MUC3A: variants seen among roughly 807,000 people sequenced by gnomAD.
MUC3A encodes mucin 3A, cell surface associated, also known as mucin-3A.
MUC3A carries 109 observed loss-of-function variants against 109.0 expected under a neutral mutation model. The observed-to-expected ratio is 1.00, with a 90% CI of 0.86 to 1.17. The LOEUF is 1.17. Ranked by LOEUF, MUC3A falls within the 50% of genes most tolerant of loss-of-function variation. The pLI is 0.00. For synonymous variants in MUC3A, 1,398 were observed against 981.4 expected, an observed-to-expected ratio of 1.42 and a Z score of -7.93; for missense variants, 3,537 against 2,469.4, an observed-to-expected ratio of 1.43 and a Z score of -9.16.
chr7:100,957,808 C>A lies in MUC3A; in HGVS notation c.6029C>A (p.Thr2010Asn). ...ACCTCACACAGTACTCCCAGCTTCA[C>A]TTCTTCCATCACCACCACTGAGACC... ...TTTSHSTPSF[T>N]SSITTTETTS... The change falls in exon 2 of 12, where the codon ACT becomes AAT. Residue 2010 changes from threonine (T) to asparagine (N), a missense_variant. Transcript: ENST00000379458. 7 of 985,394 alleles carry A rather than the reference C, an allele frequency of 7.1e-6. No individual in the cohort carries two copies. Among genetic ancestry groups the A allele is most frequent in the Admixed American group, 1.7e-5 (1 of 58,664 alleles). 61.0% of individuals were successfully genotyped at this position (985,394 alleles called of 1,614,324 possible).
chr7:100,957,879 G>C lies in MUC3A; in HGVS notation c.6100G>C (p.Glu2034Gln). Residue 2034 changes from glutamate (E) to glutamine (Q), a missense_variant, in exon 2 of 12, where the codon GAG (glutamate) becomes CAG (glutamine). Physicochemically the swap from Glu to Gln is conservative, Grantham distance 29 (BLOSUM62 2). Coordinates refer to ENST00000379458, the MANE Select transcript of MUC3A (RefSeq NM_005960.2). ...PSLTSSITTT[E>Q]TTSHSTPSFT... is the part of the protein sequence containing the mutation. ...CTTGACTTCTTCGATCACAACCACC[G>C]AGACCACATCCCATAGTACTCCCAG... 3.8e-6 allele frequency: 2 copies of C among 530,630 alleles called. No homozygotes were observed. Among genetic ancestry groups the C allele is most frequent in the Non-Finnish European group, 6.3e-6 (2 of 318,108 alleles). The allele number at this position is 530,630 out of a possible 1,614,324, so 32.9% of individuals were successfully genotyped here. A position where few individuals can be genotyped will look rare whatever the true frequency, so the allele number is the denominator to read the frequency against.
chr7:100,959,566 C>T lies in MUC3A; in HGVS notation c.7787C>T (p.Pro2596Leu), dbSNP rs748104278. The change falls in exon 2 of 12, where the codon CCT (proline) becomes CTT (leucine). Residue 2596 changes from proline (P) to leucine (L), a missense_variant. Pro to Leu is a moderately conservative substitution (Grantham distance 98). Coordinates refer to ENST00000379458, the MANE Select transcript of MUC3A (RefSeq NM_005960.2). Reference sequence around the variant, plus strand: ...ACTGGGACCCAAACATCTCCTGCACCTACTACTGTCACCTTTGGAAGTACG... The same window carrying T: ...ACTGGGACCCAAACATCTCCTGCACTTACTACTGTCACCTTTGGAAGTACG... Reference protein sequence around the residue: ...SATGTQTSPAPTTVTFGSTDS... With the variant: ...SATGTQTSPALTTVTFGSTDS... 4 of 1,593,938 alleles carry T rather than the reference C, an allele frequency of 2.5e-6. No individual in the cohort carries two copies. Among genetic ancestry groups the T allele is most frequent in the East Asian group, 2.2e-5 (1 of 44,898 alleles).
Position 100,955,940 on chromosome 7 carries a change from C to A in MUC3A, c.4161C>A (p.Ile1387=), listed in dbSNP as rs1792084669. Residue 1387 remains isoleucine, a synonymous_variant, in exon 2 of 12, where the codon ATC becomes ATA. Coordinates refer to ENST00000379458, the MANE Select transcript of MUC3A (RefSeq NM_005960.2). ...LTTAMTSTPP[I]TSSITPTDTM... is the part of the protein sequence containing the mutation. ...CAGCCATGACTTCTACTCCCCCCAT[C>A]ACTTCTTCAATCACTCCCACCGATA... The A allele has an allele frequency of 1.9e-5, 10 of 540,254 alleles. No homozygotes were observed. In the South Asian group the frequency reaches 3.3e-4, roughly 18 times the overall value. The allele number at this position is 540,254 out of a possible 1,614,324, so 33.5% of individuals were successfully genotyped here. A position where few individuals can be genotyped will look rare whatever the true frequency, so the allele number is the denominator to read the frequency against.
chr7:100,959,437 T>A lies in MUC3A; in HGVS notation c.7658T>A (p.Met2553Lys). ...TCTCCCACCATGTCCACTGTGAGAA[T>A]GACCCTCAGAATTACTGAGAACACC... ...TTSPTMSTVR[M>K]TLRITENTPI... The change falls in exon 2 of 12, where the codon ATG becomes AAG. Residue 2553 changes from methionine (M) to lysine (K), a missense_variant. Coordinates refer to ENST00000379458, the MANE Select transcript of MUC3A (RefSeq NM_005960.2). 1 of 1,530,590 alleles carries A rather than the reference T, an allele frequency of 6.5e-7. No individual in the cohort carries two copies. The highest frequency in any genetic ancestry group is 8.7e-7 in the Non-Finnish European group (1 of 1,148,238). The allele number at this position is 1,530,590 out of a possible 1,614,324, so 94.8% of individuals were successfully genotyped here. A position where few individuals can be genotyped will look rare whatever the true frequency, so the allele number is the denominator to read the frequency against.
Position 100,966,443 on chromosome 7 carries a change from CT to C in MUC3A, c.9670del (p.Trp3224GlyfsTer8). The C allele has an allele frequency of 1.5e-6, 2 of 1,348,658 alleles. No individual in the cohort carries two copies. Among genetic ancestry groups the C allele is most frequent in the East Asian group, 2.8e-5 (1 of 36,108 alleles). 83.5% of individuals were successfully genotyped at this position (1,348,658 alleles called of 1,614,324 possible). ...SGPRCEVAVH[W>X]RALVGGLTAG... ...GCCCGCGCTGCGAGGTGGCCGTCCA[CT>C]GGAGGGCGCTGGTCGGGGGCCTGAC... is the stretch of plus-strand genomic sequence containing the variant. On this transcript the variant is annotated frameshift_variant, in exon 9 of 12. Transcript: ENST00000379458. LOFTEE classifies it high-confidence loss of function.
rs1792098938 is a variant in MUC3A at position 100,956,455 on chromosome 7, C to T, written c.4676C>T (p.Ser1559Phe). ...ACTACCTTGGGTACCATGGTGACTTCTACATCCATGATCCCATCTACTGTG... is the reference window on the plus strand; with the variant it reads ...ACTACCTTGGGTACCATGGTGACTTTTACATCCATGATCCCATCTACTGTG... Reference protein sequence around the residue: ...VPTTLGTMVTSTSMIPSTVST... With the variant: ...VPTTLGTMVTFTSMIPSTVST... The change falls in exon 2 of 12, where the codon TCT (serine) becomes TTT (phenylalanine). Residue 1559 changes from serine to phenylalanine, a missense_variant. By Grantham distance (155) the Ser-to-Phe change is radical. Coordinates refer to ENST00000379458, the MANE Select transcript of MUC3A (RefSeq NM_005960.2). The T allele has an allele frequency of 3.2e-6, 2 of 627,970 alleles. No individual in the cohort carries two copies. The highest frequency in any genetic ancestry group is 4.8e-5 in the Admixed American group (2 of 41,760). The allele number at this position is 627,970 out of a possible 1,614,324, so 38.9% of individuals were successfully genotyped here. A position where few individuals can be genotyped will look rare whatever the true frequency, so the allele number is the denominator to read the frequency against.
Position 100,957,471 on chromosome 7 carries a change from A to C in MUC3A, c.5692A>C (p.Lys1898Gln). 1 of 1,007,728 alleles carries C rather than the reference A, an allele frequency of 9.9e-7. No individual in the cohort carries two copies. Among genetic ancestry groups the C allele is most frequent in the African/African-American group, 4.2e-5 (1 of 24,070 alleles). The allele number at this position is 1,007,728 out of a possible 1,614,324, so 62.4% of individuals were successfully genotyped here. A position where few individuals can be genotyped will look rare whatever the true frequency, so the allele number is the denominator to read the frequency against. ...PTTNLVTTTTKITSHSTPSFT... is the reference protein window; with the variant it reads ...PTTNLVTTTTQITSHSTPSFT... ...AACAAACTTGGTAACCACGACCACCAAGATCACCTCACACAGTACTCCTAG... is the reference window on the plus strand; with the variant it reads ...AACAAACTTGGTAACCACGACCACCCAGATCACCTCACACAGTACTCCTAG... Residue 1898 changes from lysine to glutamine, a missense_variant, in exon 2 of 12, where the codon AAG becomes CAG. By Grantham distance (53) the Lys-to-Gln change is moderately conservative. Coordinates refer to ENST00000379458, the MANE Select transcript of MUC3A (RefSeq NM_005960.2).
In MUC3A at chr7:100,952,748, T is replaced by A. The variant is rs776034622; in HGVS notation, c.969T>A (p.Thr323=). The change falls in exon 2 of 12, where the codon ACT becomes ACA. Residue 323 remains threonine (T), a synonymous_variant. Coordinates refer to ENST00000379458, the MANE Select transcript of MUC3A (RefSeq NM_005960.2). The part of the protein sequence containing the change: ...PLSTLVTTLP[T]TISRSTPTSE... ...CCACCTTGGTGACCACACTCCCCAC[T>A]ACCATCAGCAGGTCTACACCTACAT... The A allele has an allele frequency of 6.3e-7, 1 of 1,581,980 alleles. No homozygotes were observed. Among genetic ancestry groups the A allele is most frequent in the Non-Finnish European group, 8.5e-7 (1 of 1,171,714 alleles).
Position 100,960,364 on chromosome 7 carries a change from C to T in MUC3A, c.8585C>T (p.Thr2862Ile), listed in dbSNP as rs775413705. The T allele has an allele frequency of 1.3e-6, 2 of 1,598,428 alleles. No individual in the cohort carries two copies. Among genetic ancestry groups the T allele is most frequent in the African/African-American group, 2.7e-5 (2 of 74,964 alleles). ...TGTVPTNTVFTSTRLPTSETW... is the reference protein window; with the variant it reads ...TGTVPTNTVFISTRLPTSETW... Reference sequence around the variant, plus strand: ...ACTGTACCCACAAACACAGTTTTCACAAGTACTCGACTGCCCACCAGTGAG... The same window carrying T: ...ACTGTACCCACAAACACAGTTTTCATAAGTACTCGACTGCCCACCAGTGAG... Residue 2862 changes from threonine (T) to isoleucine (I), a missense_variant, in exon 2 of 12, where the codon ACA (threonine) becomes ATA (isoleucine). Transcript: ENST00000379458.
In MUC3A at chr7:100,958,552, C is replaced by G. The variant is rs1584803454; in HGVS notation, c.6773C>G (p.Ser2258Cys). 6 of 1,300,508 alleles carry G rather than the reference C, an allele frequency of 4.6e-6. No homozygotes were observed. Among genetic ancestry groups the G allele is most frequent in the South Asian group, 1.2e-5 (1 of 84,864 alleles). 80.6% of individuals were successfully genotyped at this position (1,300,508 alleles called of 1,614,324 possible). A position where few individuals can be genotyped will look rare whatever the true frequency, so the allele number is the denominator to read the frequency against. Residue 2258 changes from serine to cysteine, a missense_variant, in exon 2 of 12, where the codon TCT becomes TGT. Transcript: ENST00000379458. ...TTSHSTPSFT[S>C]SITTTETTSH... ...TCCCACAGTACTCCCAGCTTCACTTCTTCGATCACCACCACTGAGACCACC... is the reference window on the plus strand; with the variant it reads ...TCCCACAGTACTCCCAGCTTCACTTGTTCGATCACCACCACTGAGACCACC...
rs1256274866 is a variant in MUC3A, at chr7:100,957,206, C to T, written c.5427C>T (p.Ile1809=). The change falls in exon 2 of 12, where the codon ATC becomes ATT. Residue 1809 remains isoleucine (I), a synonymous_variant. Transcript: ENST00000379458. ...CGCCTGTCCCAAGTACAGAAGCGAT[C>T]ACCAGTGGTACCACAAACACCACCC... ...SSTPVPSTEA[I]TSGTTNTTPL... 8.5e-6 allele frequency: 4 copies of T among 472,822 alleles called. No individual in the cohort carries two copies. Among genetic ancestry groups the T allele is most frequent in the Non-Finnish European group, 1.5e-5 (4 of 271,780 alleles). 29.3% of individuals were successfully genotyped at this position (472,822 alleles called of 1,614,324 possible). A position where few individuals can be genotyped will look rare whatever the true frequency, so the allele number is the denominator to read the frequency against.
At chr7:100,962,640 T>C (rs141095829) in intron 3 of MUC3A, among the ~76,000 whole-genome samples, 11 of 152,104 alleles carry the variant, frequency 7.2e-5, no homozygotes, top group Non-Finnish European at 1.2e-4. Context: ...CTTCTTTCTT[T>C]TCTTCTTTTC....
intron 3 of MUC3A, among the ~76,000 whole-genome samples, chr7:100,961,823 G>GA (rs141617672): frequency 4.2e-4 from 62 of 148,668 alleles, no homozygotes; most frequent in East Asian, 1.2e-3. Context: ...TGTCTTAAAA[G>GA]AAAAAAAAAA....
intron 4 of MUC3A, 91 bp downstream of exon 4, chr7:100,963,357 G>A: frequency 4.2e-6 from 4 of 947,374 alleles, no homozygotes; most frequent in East Asian, 2.6e-5. Flanking sequence ...GCGATCTTGG[G>A]TCACTGCAAC....
chr7:100,952,434 A>G lies in MUC3A; in HGVS notation c.655A>G (p.Ile219Val). 6.3e-7 allele frequency: 1 copy of G among 1,598,616 alleles called. No individual in the cohort carries two copies. Among genetic ancestry groups the G allele is most frequent in the Non-Finnish European group, 8.5e-7 (1 of 1,179,814 alleles). ...SATDTTFHTTISSTTRTTERT... is the reference protein window; with the variant it reads ...SATDTTFHTTVSSTTRTTERT... ...CACAGACACAACCTTCCACACTACAATCTCGTCTACAACTAGAACCACAGA... is the reference window on the plus strand; with the variant it reads ...CACAGACACAACCTTCCACACTACAGTCTCGTCTACAACTAGAACCACAGA... The change falls in exon 2 of 12, where the codon ATC becomes GTC. Residue 219 changes from isoleucine to valine, a missense_variant. Coordinates refer to ENST00000379458, the MANE Select transcript of MUC3A (RefSeq NM_005960.2).
chr7:100,958,847 C>G lies in MUC3A; in HGVS notation c.7068C>G (p.Thr2356=). The change falls in exon 2 of 12, where the codon ACC becomes ACG. Residue 2356 remains threonine (T), a synonymous_variant. Coordinates refer to ENST00000379458, the MANE Select transcript of MUC3A (RefSeq NM_005960.2). ...TTTETNSHST[T]SFTSSITTTE... ...CCGAGACCAACTCTCACAGTACTAC[C>G]AGCTTCACTTCTTCGATCACCACCA... 1 of 1,410,614 alleles carries G rather than the reference C, an allele frequency of 7.1e-7. No homozygotes were observed. The highest frequency in any genetic ancestry group is 9.2e-7 in the Non-Finnish European group (1 of 1,082,238). The allele number at this position is 1,410,614 out of a possible 1,614,324, so 87.4% of individuals were successfully genotyped here. A position where few individuals can be genotyped will look rare whatever the true frequency, so the allele number is the denominator to read the frequency against.
intron 10 of MUC3A, 49 bp from the exon 11 acceptor site, chr7:100,966,850 C>T (rs761380818): frequency 3.3e-5 from 53 of 1,598,276 alleles, no homozygotes; most frequent in Admixed American, 2.5e-4. Context: ...CCTCTCCCTT[C>T]CGTCCCCTCC....
rs1341372768 is a variant in MUC3A, at chr7:100,952,377, A to G, written c.598A>G (p.Ile200Val). Reference sequence around the variant, plus strand: ...TACCACCACTGCAAGGGAAACTCCCATAGTGACAGTGACACCCTCCTCTGT... The same window carrying G: ...TACCACCACTGCAAGGGAAACTCCCGTAGTGACAGTGACACCCTCCTCTGT... ...PSTTTARETP[I>V]VTVTPSSVSA... The change falls in exon 2 of 12, where the codon ATA becomes GTA. Residue 200 changes from isoleucine (I) to valine (V), a missense_variant. By Grantham distance (29) the Ile-to-Val change is conservative (BLOSUM62 3). Transcript: ENST00000379458. 3.1e-6 allele frequency: 5 copies of G among 1,598,402 alleles called. No individual in the cohort carries two copies. The highest frequency in any genetic ancestry group is 4.2e-6 in the Non-Finnish European group (5 of 1,179,764).
intron 3 of MUC3A, among the ~76,000 whole-genome samples, chr7:100,961,560 G>T (rs67062208): frequency 2.0e-5 from 3 of 152,220 alleles, no homozygotes; most frequent in Non-Finnish European, 4.4e-5. Context: ...GGGCGGGGTG[G>T]CTCACACCTG....
Sources: gnomAD v4.1 joint callset for allele counts (sites outside exome capture counted in the v4.1 genomes callset) on GRCh38, gnomAD v4.1.1 for gene constraint, MANE v1.5 for transcripts, NCBI Gene and HGNC (gene_info 2026-07-23, HGNC 2026-07-21) for gene names.